The following MIR2052HG variants were observed in gnomAD, a reference collection of about 807,000 sequenced individuals.
MIR2052HG encodes the protein MIR2052 host gene.
intron 2 of MIR2052HG, among the ~76,000 whole-genome samples, chr8:74,653,597 T>C (rs1297005818): frequency 3.3e-5 from 5 of 152,142 alleles, no homozygotes; most frequent in Non-Finnish European, 5.9e-5. Flanking sequence ...GAGTGTTTTA[T>C]AGCACATAGT....
chr8:74,691,255 T>G (rs1809236946), intron 2 of MIR2052HG, among the ~76,000 whole-genome samples: 1 of 152,192 alleles, frequency 6.6e-6, no homozygotes, highest in East Asian at 1.9e-4. Flanking sequence ...TCTTTGCATC[T>G]TGGATGGAGT....
intron 4 of MIR2052HG, among the ~76,000 whole-genome samples, chr8:74,717,665 A>C (rs1809533664): frequency 6.6e-6 from 1 of 152,054 alleles, no homozygotes; most frequent in South Asian, 2.1e-4. Flanking sequence ...AAAAAAATTA[A>C]AAAAATATAG....
At chr8:74,655,603 C>T (rs964176529) in intron 2 of MIR2052HG, among the ~76,000 whole-genome samples, 1 of 152,204 alleles carries the variant, frequency 6.6e-6, no homozygotes, top group African/African-American at 2.4e-5. Flanking sequence ...ATAATCTCCA[C>T]CTAGATTTCA....
rs182105277 is a variant in MIR2052HG, at chr8:74,696,844, A to T, written n.217-5535A>T. Among the ~76,000 whole-genome samples the T allele has an allele frequency of 4.1e-3, 626 of 152,180 alleles. 11 individuals are homozygous for T. The highest frequency in any genetic ancestry group is 2.6e-3 in the Non-Finnish European group (177 of 67,978). On this transcript the variant is annotated intron_variant and non_coding_transcript_variant, in intron 2 of 6. Transcript: ENST00000523442. ...GGTAATTTAAAAAATGCCACAAAAA[A>T]AAAAGTCCAGGACCAGATGGTTTCA...
chr8:74,603,535 G>A, intron 1 of MIR2052HG: 1 of 1,524,360 alleles, frequency 6.6e-7, no homozygotes, highest in Non-Finnish European at 9.1e-7. Context: ...AGTCTGAGCA[G>A]ATGTATCCAA....
At chr8:74,672,326 A>C (rs1809002287) in intron 2 of MIR2052HG, among the ~76,000 whole-genome samples, 2 of 152,108 alleles carry the variant, frequency 1.3e-5, no homozygotes, top group African/African-American at 4.8e-5. Flanking sequence ...ACAGGAATTC[A>C]GTACATTGCT....
intron 2 of MIR2052HG, among the ~76,000 whole-genome samples, chr8:74,661,793 A>G (rs1009317830): frequency 1.3e-5 from 2 of 152,182 alleles, no homozygotes; most frequent in African/African-American, 4.8e-5. Flanking sequence ...AGAGCTAGGT[A>G]TATTTTTATG....
At chr8:74,636,027 C>T (rs2588300) in intron 2 of MIR2052HG, among the ~76,000 whole-genome samples, 63,574 of 152,018 alleles carry the variant, frequency 0.42, 14,119 homozygotes, top group East Asian at 0.66. Flanking sequence ...TGTCAGGCCC[C>T]CTTCCTGGCT....
At chr8:74,702,055 T>TG (rs1251734867) in intron 2 of MIR2052HG, among the ~76,000 whole-genome samples, 1 of 152,032 alleles carries the variant, frequency 6.6e-6, no homozygotes, top group Non-Finnish European at 1.5e-5. Context: ...TTGCTTCTAA[T>TG]GGAAATAAGT....
intron 2 of MIR2052HG, among the ~76,000 whole-genome samples, chr8:74,638,882 G>T (rs937321889): frequency 3.9e-5 from 6 of 152,116 alleles, no homozygotes; most frequent in Admixed American, 3.3e-4. Context: ...ATATGTGATT[G>T]TTTTGGGGGA....
intron 2 of MIR2052HG, among the ~76,000 whole-genome samples, chr8:74,613,790 A>G (rs1211448386): frequency 1.3e-5 from 2 of 152,210 alleles, no homozygotes; most frequent in African/African-American, 4.8e-5. Flanking sequence ...CCTGGCCTGC[A>G]GGGATTCAAT....
intron 2 of MIR2052HG, among the ~76,000 whole-genome samples, chr8:74,673,407 A>G (rs1280132654): frequency 1.3e-5 from 2 of 152,030 alleles, no homozygotes; most frequent in Non-Finnish European, 2.9e-5. Flanking sequence ...CATCAGATAG[A>G]TCACGATTTG....
intron 2 of MIR2052HG, among the ~76,000 whole-genome samples, chr8:74,659,072 G>A (rs1245005104): frequency 6.6e-6 from 1 of 152,128 alleles, no homozygotes; most frequent in Non-Finnish European, 1.5e-5. Context: ...TATGCGCACT[G>A]TTTTCTTTTT....
At chr8:74,724,047 T>C (rs1431006191) in intron 4 of MIR2052HG, among the ~76,000 whole-genome samples, 1 of 152,232 alleles carries the variant, frequency 6.6e-6, no homozygotes, top group African/African-American at 2.4e-5. Context: ...TTCTTTACAG[T>C]CTGTTCTCAT....
intron 2 of MIR2052HG, among the ~76,000 whole-genome samples, chr8:74,637,356 A>G (rs1320805032): frequency 1.3e-5 from 2 of 152,090 alleles, no homozygotes; most frequent in East Asian, 1.9e-4. Flanking sequence ...ACACATGCAA[A>G]CACATTCAGG....
intron 2 of MIR2052HG, among the ~76,000 whole-genome samples, chr8:74,622,875 T>C (rs1012880814): frequency 6.6e-6 from 1 of 151,462 alleles, no homozygotes; most frequent in Non-Finnish European, 1.5e-5. Flanking sequence ...TGCAACAATA[T>C]GGATGAACCT....
chr8:74,684,044 T>C (rs1809153429), intron 2 of MIR2052HG, among the ~76,000 whole-genome samples: 1 of 152,086 alleles, frequency 6.6e-6, no homozygotes, highest in Admixed American at 6.6e-5. Context: ...CCCTTAAAAT[T>C]TTTATTCCAC....
At chr8:74,673,230 A>G (rs34166029) in intron 2 of MIR2052HG, among the ~76,000 whole-genome samples, 1,938 of 152,202 alleles carry the variant, frequency 0.013, 31 homozygotes, top group African/African-American at 0.045. Flanking sequence ...AAATAGGGTC[A>G]CAATAATCAT....
In MIR2052HG at chr8:74,734,764, G is replaced by A. The variant is rs188940946; in HGVS notation, n.372-17677G>A. 2.0e-5 allele frequency among the ~76,000 whole-genome samples: 3 copies of A among 152,348 alleles called. No homozygotes were observed. In the East Asian group the frequency reaches 5.8e-4, roughly 29 times the overall value. ...TGTGCCAGAAACAGGAGCCCCTGCTGACCCATGCAAGACCTTCAAAGGATG... is the reference window on the plus strand; with the variant it reads ...TGTGCCAGAAACAGGAGCCCCTGCTAACCCATGCAAGACCTTCAAAGGATG... On this transcript the variant is annotated intron_variant and non_coding_transcript_variant, in intron 4 of 6. Transcript: ENST00000523442.
Sources: allele counts gnomAD v4.1 joint callset (sites outside exome capture counted in the v4.1 genomes callset), GRCh38; gene constraint gnomAD v4.1.1; transcripts MANE v1.5; gene names NCBI Gene and HGNC (gene_info 2026-07-23, HGNC 2026-07-21).